Variants in LARP4B observed in about 807,000 individuals in gnomAD.
LARP4B encodes la-related protein 4B.
A neutral mutation model predicts 89.8 loss-of-function variants in LARP4B; 12 were observed. That is an observed-to-expected ratio of 0.13 (90% CI 0.09 to 0.22). The LOEUF is 0.22. LARP4B is among the 10% of genes least tolerant of loss of function. The pLI is 1.00. For missense variants in LARP4B, 757 were observed against 947.7 expected (o/e 0.80, Z 2.64); for synonymous variants, 367 against 363.3 (o/e 1.01, Z -0.12).
chr10:958,194 C>T, the LARP4B span, among the ~76,000 whole-genome samples: 1 of 152,190 alleles, frequency 6.6e-6, no homozygotes, highest in Non-Finnish European at 1.5e-5. Context: ...CTCCCCGCAG[C>T]CCTTGGGCTG....
At chr10:818,571 A>G (rs1270666367) in intron 14 of LARP4B, 1 of 152,260 alleles carries the variant, frequency 6.6e-6, no homozygotes, top group Non-Finnish European at 1.5e-5. Flanking sequence ...GTACTTTGTA[A>G]GCCCAAATCT....
intron 1 of LARP4B, among the ~76,000 whole-genome samples, chr10:924,054 T>A (rs756507803): frequency 1.3e-5 from 2 of 151,912 alleles, no homozygotes; most frequent in Non-Finnish European, 2.9e-5. Flanking sequence ...GGCAACATAG[T>A]GAGACCCGCC....
the LARP4B span, among the ~76,000 whole-genome samples, chr10:957,997 A>G: frequency 6.6e-6 from 1 of 151,926 alleles, no homozygotes; most frequent in Non-Finnish European, 1.5e-5. Flanking sequence ...GGGTTTCGCC[A>G]TGTTGCCCAG....
chr10:892,683 G>A (rs61830935), intron 1 of LARP4B, among the ~76,000 whole-genome samples: 16,648 of 151,658 alleles, frequency 0.11, 1,152 homozygotes, highest in Non-Finnish European at 0.16. Flanking sequence ...GGGACTACAG[G>A]CGCCGGCCAC....
At chr10:911,791 T>TTTTCGGGGGC in intron 1 of LARP4B, among the ~76,000 whole-genome samples, 1 of 152,214 alleles carries the variant, frequency 6.6e-6, no homozygotes, top group African/African-American at 2.4e-5. Context: ...AATTTCGTGG[T>TTTTCGGGGGC]TTTCGGGGGC....
chr10:970,316 G>A, the LARP4B span, among the ~76,000 whole-genome samples: 1 of 152,188 alleles, frequency 6.6e-6, no homozygotes, highest in East Asian at 1.9e-4. Context: ...AGTGCTTTTG[G>A]AAGCCGGAGC....
chr10:872,941 C>T (rs1288017317), intron 3 of LARP4B: 8 of 815,340 alleles, frequency 9.8e-6, no homozygotes, highest in Middle Eastern at 6.0e-4. Context: ...CTGCGAAAAT[C>T]CTTGTCCGCG....
chr10:859,760 G>T lies in LARP4B; in HGVS notation c.430+3983C>A, dbSNP rs1834496832. On this transcript the variant is annotated intron_variant, in intron 5 of 17. Transcript: ENST00000316157. The stretch of plus-strand genomic sequence containing the variant: ...GAAGCTTAAATGTACGTTACTAAAT[G>T]AAAGAAACCTATCTAAGAAGGCTAC... Among the ~76,000 whole-genome samples, 3 of 151,196 alleles carry T rather than the reference G, an allele frequency of 2.0e-5. No individual in the cohort carries two copies. The South Asian group carries it at 6.2e-4, about 31-fold the overall frequency.
At chr10:931,254 T>C (rs1328729327) in intron 1 of LARP4B, among the ~76,000 whole-genome samples, 174 bp downstream of exon 1, 3 of 127,140 alleles carry the variant, frequency 2.4e-5, no homozygotes, top group South Asian at 2.5e-4. Context: ...CTAGCCCCGG[T>C]CCTCCTCAAC....
chr10:896,396 A>G (rs545518619), intron 1 of LARP4B, among the ~76,000 whole-genome samples: 99 of 152,352 alleles, frequency 6.5e-4, no homozygotes, highest in Non-Finnish European at 1.3e-3. Context: ...ACCTGAGGCC[A>G]GATTTCCTTC....
chr10:820,546 C>T (rs965147122), intron 14 of LARP4B: 3 of 460,038 alleles, frequency 6.5e-6, no homozygotes, highest in Non-Finnish European at 1.2e-5. Context: ...AAGTTCCTGG[C>T]CATGCCTGTG....
intron 8 of LARP4B, among the ~76,000 whole-genome samples, chr10:836,042 G>T (rs1833200654): frequency 6.6e-6 from 1 of 151,700 alleles, no homozygotes; most frequent in Non-Finnish European, 1.5e-5. Context: ...ATGCCCCTTT[G>T]TCATAGAAAT....
chr10:982,149 T>C, the LARP4B span, among the ~76,000 whole-genome samples: 1 of 149,394 alleles, frequency 6.7e-6, no homozygotes, highest in African/African-American at 2.5e-5. Flanking sequence ...GGAATCTTAC[T>C]ATGTTGCCCA....
Position 817,861 on chromosome 10 carries a change from G to C in LARP4B, c.1559C>G (p.Pro520Arg), listed in dbSNP as rs745800774. Reference protein sequence around the residue: ...TSSQTQSPTPPKPPSPSFELG... With the variant: ...TSSQTQSPTPRKPPSPSFELG... ...CTCGAAGCTTGGCGACGGAGGCTTT[G>C]GTGGCGTTGGAGACTGTGTCTGGCT... Residue 520 changes from proline to arginine, a missense_variant, in exon 15 of 18, where the codon CCA (proline) becomes CGA (arginine). Transcript: ENST00000316157. 9 of 1,614,032 alleles carry C rather than the reference G, an allele frequency of 5.6e-6. No homozygotes were observed. The African/African-American group carries it at 6.7e-5, about 12-fold the overall frequency.
At chr10:971,052 GC>G in the LARP4B span, 1 of 152,228 alleles carries the variant, frequency 6.6e-6, no homozygotes, top group African/African-American at 2.4e-5. Flanking sequence ...CACGTTTCAT[GC>G]CCAGTCCCTC....
At chr10:932,254 C>T (rs1830656633), upstream of LARP4B, among the ~76,000 whole-genome samples, 1 of 148,702 alleles carries the variant, frequency 6.7e-6, no homozygotes, top group Non-Finnish European at 1.5e-5. Flanking sequence ...CTGGCCCTTC[C>T]CCGAACTCCC....
At chr10:864,518 C>T (rs908728923) in intron 3 of LARP4B, among the ~76,000 whole-genome samples, 3 of 151,802 alleles carry the variant, frequency 2.0e-5, no homozygotes, top group African/African-American at 7.3e-5. Flanking sequence ...TGGGGAAGGA[C>T]ACGCCTGCCA....
chr10:919,550 T>C (rs1432088926), intron 1 of LARP4B, among the ~76,000 whole-genome samples: 1 of 151,972 alleles, frequency 6.6e-6, no homozygotes, highest in Non-Finnish European at 1.5e-5. Flanking sequence ...CAATACATTG[T>C]TGAGGGTGGG....
chr10:979,837 G>A, the LARP4B span, among the ~76,000 whole-genome samples: 1 of 152,120 alleles, frequency 6.6e-6, no homozygotes, highest in South Asian at 2.1e-4. Context: ...CAGGTGTGGT[G>A]GTGGGCACCC....
Sources: gnomAD v4.1 joint callset for allele counts (sites outside exome capture counted in the v4.1 genomes callset) on GRCh38, gnomAD v4.1.1 for gene constraint, MANE v1.5 for transcripts, NCBI Gene and HGNC (gene_info 2026-07-23, HGNC 2026-07-21) for gene names.